ITIH5: variants seen among roughly 807,000 people sequenced by gnomAD.
ITIH5 encodes inter-alpha-trypsin inhibitor heavy chain H5.
ITIH5 carries 65 observed loss-of-function variants against 77.5 expected under a neutral mutation model. That is an observed-to-expected ratio of 0.84 (90% confidence interval 0.69 to 1.03). The LOEUF is 1.03. ITIH5 is among the 50% of genes least tolerant of loss of function. The pLI, the probability that ITIH5 is intolerant of heterozygous loss-of-function variation, is 0.00. For synonymous variants in ITIH5, 525 were observed against 494.3 expected (o/e 1.06, Z -0.82); for missense variants, 1,208 against 1,213.1 (o/e 1.00, Z 0.06).
intron 1 of ITIH5, among the ~76,000 whole-genome samples, chr10:7,662,153 T>A (rs914505686): frequency 1.3e-5 from 2 of 151,396 alleles, no homozygotes; most frequent in African/African-American, 2.4e-5. Context: ...AGATCAGGAG[T>A]TCGAGACCAG....
intron 5 of ITIH5, chr10:7,619,735 A>C (rs1833441783): frequency 1.1e-5 from 2 of 180,170 alleles, no homozygotes. Flanking sequence ...ACTCACTATC[A>C]CGAGAACAGC....
intron 11 of ITIH5, 145 bp from the exon 12 acceptor site, chr10:7,569,929 T>G: frequency 1.8e-6 from 1 of 543,644 alleles, no homozygotes; most frequent in Non-Finnish European, 3.2e-6. Flanking sequence ...AATTTCCAGA[T>G]GAGGAAGATG....
At chr10:7,565,645 T>A (rs1375117817) in intron 13 of ITIH5, among the ~76,000 whole-genome samples, 3 of 148,704 alleles carry the variant, frequency 2.0e-5, no homozygotes, top group African/African-American at 7.4e-5. Flanking sequence ...GTATAGACTG[T>A]ATATATATAC....
rs1588351108 is a variant in ITIH5 at position 7,562,899 on chromosome 10, T to G, written c.*184A>C. ...GGGAAATGACATTTGCACTCAGGCT[T>G]CCCGCCCCTACCCACCCCTACCCTT... On this transcript the variant is annotated 3_prime_UTR_variant, in exon 14 of 14. Transcript: ENST00000397146. The G allele has an allele frequency of 1.6e-6, 1 of 619,790 alleles. No homozygotes were observed. Among genetic ancestry groups the G allele is most frequent in the African/African-American group, 1.8e-5 (1 of 54,122 alleles). 38.4% of individuals were successfully genotyped at this position (619,790 alleles called of 1,614,324 possible). A position where few individuals can be genotyped will look rare whatever the true frequency, so the allele number is the denominator to read the frequency against.
At chr10:7,651,890 TG>T (rs1193081080) in intron 2 of ITIH5, among the ~76,000 whole-genome samples, 1 of 152,202 alleles carries the variant, frequency 6.6e-6, no homozygotes, top group East Asian at 1.9e-4. Flanking sequence ...CTGCTGCCCC[TG>T]CCTCCAGGGA....
At chr10:7,660,276 C>G (rs768908551) in intron 1 of ITIH5, among the ~76,000 whole-genome samples, 1 of 152,028 alleles carries the variant, frequency 6.6e-6, no homozygotes, top group South Asian at 2.1e-4. Flanking sequence ...CTTGAGTGAC[C>G]GTGAAAGGCT....
At chr10:7,588,404 G>A (rs967382589) in intron 7 of ITIH5, among the ~76,000 whole-genome samples, 18 of 152,322 alleles carry the variant, frequency 1.2e-4, no homozygotes, top group Admixed American at 1.0e-3. Context: ...TGTAATCCCA[G>A]CTACTCAGGA....
intron 5 of ITIH5, among the ~76,000 whole-genome samples, chr10:7,629,132 A>AGCATGTGTCCCTGTTGTG (rs1564269459): frequency 9.3e-6 from 1 of 106,986 alleles, no homozygotes; most frequent in African/African-American, 4.1e-5. Flanking sequence ...TCCGTGTTGT[A>AGCATGTGTCCCTGTTGTG]GCATGTGTCC....
intron 1 of ITIH5, among the ~76,000 whole-genome samples, chr10:7,664,633 G>A (rs1221831571): frequency 1.3e-5 from 2 of 152,202 alleles, no homozygotes; most frequent in Admixed American, 1.3e-4. Flanking sequence ...TGAAGGGTGA[G>A]AGGTGAAGGA....
At chr10:7,610,826 C>G (rs1002876267) in intron 7 of ITIH5, among the ~76,000 whole-genome samples, 1 of 152,206 alleles carries the variant, frequency 6.6e-6, no homozygotes, top group African/African-American at 2.4e-5. Context: ...TCTAGGGTGG[C>G]TCTCCTGGAA....
chr10:7,608,576 C>A (rs1428791941), intron 7 of ITIH5, among the ~76,000 whole-genome samples: 5 of 152,188 alleles, frequency 3.3e-5, no homozygotes, highest in Admixed American at 1.3e-4. Context: ...AGCCACCATA[C>A]CTGGCCTGGA....
intron 3 of ITIH5, among the ~76,000 whole-genome samples, chr10:7,641,684 G>GGGAGGGAA (rs1833890521): frequency 4.5e-5 from 1 of 22,076 alleles, no homozygotes; most frequent in African/African-American, 2.1e-4. Flanking sequence ...CAGGGAAGGA[G>GGGAGGGAA]GGAGGGAGGG....
At chr10:7,662,376 C>T (rs1834291119) in intron 1 of ITIH5, among the ~76,000 whole-genome samples, 1 of 151,758 alleles carries the variant, frequency 6.6e-6, no homozygotes, top group South Asian at 2.1e-4. Flanking sequence ...GAGAGAGAGA[C>T]AGACAGAGAA....
At chr10:7,594,712 A>G (rs1219727342) in intron 7 of ITIH5, among the ~76,000 whole-genome samples, 2 of 152,166 alleles carry the variant, frequency 1.3e-5, no homozygotes, top group Non-Finnish European at 2.9e-5. Context: ...GACAAGGACA[A>G]GGGCTTATTT....
intron 7 of ITIH5, among the ~76,000 whole-genome samples, chr10:7,602,091 T>C (rs1288388182): frequency 6.6e-5 from 10 of 152,082 alleles, no homozygotes; most frequent in Non-Finnish European, 1.3e-4. Flanking sequence ...TGACCTCAGG[T>C]GATCCGCCTG....
rs11255197 is a variant in ITIH5 at position 7,576,208 on chromosome 10, G to A, written c.1978+245C>T. Among the ~76,000 whole-genome samples, 140 of 151,556 alleles carry A rather than the reference G, an allele frequency of 9.2e-4. No individual in the cohort carries two copies. The East Asian group carries it at 0.014, about 15-fold the overall frequency. ...TAGATAATTAATTTTTTTTTCTTTTGTAGAGACAGGGTCTCTCTGTGTTGC... is the reference window on the plus strand; with the variant it reads ...TAGATAATTAATTTTTTTTTCTTTTATAGAGACAGGGTCTCTCTGTGTTGC... On this transcript the variant is annotated intron_variant, in intron 10 of 13. Coordinates refer to ENST00000397146, the MANE Select transcript of ITIH5 (RefSeq NM_030569.7).
At chr10:7,587,730 G>C (rs1832710764) in intron 7 of ITIH5, among the ~76,000 whole-genome samples, 1 of 152,214 alleles carries the variant, frequency 6.6e-6, no homozygotes. Context: ...CTGGCTGGTG[G>C]AAAGCCCCGG....
intron 10 of ITIH5, among the ~76,000 whole-genome samples, chr10:7,575,173 T>A (rs1832385104): frequency 6.6e-6 from 1 of 152,204 alleles, no homozygotes. Flanking sequence ...TGTCTGACAT[T>A]TGTGCAAAAC....
chr10:7,629,391 GT>G (rs1833672148), intron 5 of ITIH5, among the ~76,000 whole-genome samples: 1 of 148,042 alleles, frequency 6.8e-6, no homozygotes. Flanking sequence ...TGTAGCGTGT[GT>G]CCATGTTGTA....
Sources: gnomAD v4.1 joint callset for allele counts (sites outside exome capture counted in the v4.1 genomes callset) on GRCh38, gnomAD v4.1.1 for gene constraint, MANE v1.5 for transcripts, NCBI Gene and HGNC (gene_info 2026-07-23, HGNC 2026-07-21) for gene names.